Variants in ANKRD18B observed in about 807,000 individuals in gnomAD.
ANKRD18B encodes ankyrin repeat domain 18B.
A neutral mutation model predicts 111.8 loss-of-function variants in ANKRD18B; 75 were observed. The observed-to-expected ratio is 0.67, with a 90% CI of 0.56 to 0.81. The LOEUF is 0.81. ANKRD18B is among the 40% of genes least tolerant of loss of function. The pLI is 0.00. For synonymous variants in ANKRD18B, 356 were observed against 417.3 expected, an observed-to-expected ratio of 0.85 and a Z score of 1.79; for missense variants, 1,038 against 1,225.5, an observed-to-expected ratio of 0.85 and a Z score of 2.28.
intron 15 of ANKRD18B, chr9:33,566,887 T>C: frequency 1.9e-6 from 1 of 524,338 alleles, no homozygotes; most frequent in Non-Finnish European, 3.3e-6. Context: ...ATTACATTAA[T>C]ACTAACATAA....
intron 5 of ANKRD18B, among the ~76,000 whole-genome samples, chr9:33,534,722 C>T (rs1342074479): frequency 2.0e-5 from 3 of 152,008 alleles, no homozygotes; most frequent in Non-Finnish European, 4.4e-5. Context: ...TTTTAAAGAC[C>T]TTTATCCCTA....
At chr9:33,534,603 T>C in intron 5 of ANKRD18B, 96 bp downstream of exon 5, 1 of 1,407,186 alleles carries the variant, frequency 7.1e-7, no homozygotes. Flanking sequence ...GTTCATAGTT[T>C]GGTTGAGGTA....
chr9:33,543,490 C>T (rs1435118773), intron 10 of ANKRD18B, among the ~76,000 whole-genome samples: 2 of 152,160 alleles, frequency 1.3e-5, no homozygotes, highest in African/African-American at 2.4e-5. Flanking sequence ...ATTTCCAGAA[C>T]TCTCTTTGCT....
Position 33,535,325 on chromosome 9 carries a change from G to A in ANKRD18B, c.740+818G>A, listed in dbSNP as rs151029589. ...TTTCGAGATGGAGTCTTGCTCAGTC[G>A]CCCAGGCTGGAGTGCAGTGGCGCAA... On this transcript the variant is annotated intron_variant, in intron 5 of 18. Coordinates refer to ENST00000684830, the MANE Select transcript of ANKRD18B (RefSeq NM_001393611.1). Among the ~76,000 whole-genome samples the A allele has an allele frequency of 1.4e-3, 213 of 151,804 alleles. 3 individuals are homozygous for A. Among genetic ancestry groups the A allele is most frequent in the African/African-American group, 4.9e-3 (203 of 41,394 alleles).
chr9:33,533,863 A>C (rs2117996218), intron 4 of ANKRD18B: 1 of 171,230 alleles, frequency 5.8e-6, no homozygotes, highest in South Asian at 2.0e-4. Flanking sequence ...TTCAGTTTAC[A>C]ACTACTACTA....
In ANKRD18B at chr9:33,533,554, G is replaced by A. The variant is rs1194659383; in HGVS notation, c.602+9G>A. 1.3e-6 allele frequency: 2 copies of A among 1,526,878 alleles called. No homozygotes were observed. Among genetic ancestry groups the A allele is most frequent in the Admixed American group, 4.6e-5 (2 of 43,508 alleles). 94.6% of individuals were successfully genotyped at this position (1,526,878 alleles called of 1,614,324 possible). ...GTTGACAATTTCAAAAGGTGCAATA[G>A]TTTTTGTTTTCTGTTTTCTTTTTTC... is the stretch of plus-strand genomic sequence containing the variant. On this transcript the variant is annotated intron_variant, in intron 4 of 18. Transcript: ENST00000684830.
rs1437106897 is a variant in ANKRD18B, at chr9:33,548,424, C to T, written c.1636C>T (p.Gln546Ter). 6.4e-7 allele frequency: 1 copy of T among 1,551,064 alleles called. No individual in the cohort carries two copies. The highest frequency in any genetic ancestry group is 1.4e-5 in the African/African-American group (1 of 72,992). ...AGATAAGAATGAGTTGCTTACTGAACAGGTCCATAAAGCTCGGGTGAAGTT... is the reference window on the plus strand; with the variant it reads ...AGATAAGAATGAGTTGCTTACTGAATAGGTCCATAAAGCTCGGGTGAAGTT... ...LTDKNELLTEQVHKARVKFNT... is the reference protein window; with the variant it reads ...LTDKNELLTE Residue 546 changes from glutamine (Q) to a stop codon, truncating the protein, a stop_gained, in exon 11 of 19, where the codon CAG becomes TAG. Transcript: ENST00000684830. LOFTEE classifies it high-confidence loss of function.
At chr9:33,550,971 T>C (rs1361823399) in intron 12 of ANKRD18B, among the ~76,000 whole-genome samples, 2 of 152,202 alleles carry the variant, frequency 1.3e-5, no homozygotes, top group Non-Finnish European at 2.9e-5. Flanking sequence ...TCTTCACTTT[T>C]GTGAATGGAC....
At chr9:33,560,340 A>G (rs946844078) in intron 14 of ANKRD18B, among the ~76,000 whole-genome samples, 12 of 152,368 alleles carry the variant, frequency 7.9e-5, no homozygotes, top group Middle Eastern at 3.4e-3. Context: ...TGCATAAGGC[A>G]TGAATTCCTG....
chr9:33,564,930 G>C (rs1828663537), intron 14 of ANKRD18B, among the ~76,000 whole-genome samples: 1 of 152,070 alleles, frequency 6.6e-6, no homozygotes, highest in South Asian at 2.1e-4. Context: ...CAGGGTGTTT[G>C]AGTTCCTTGT....
At chr9:33,535,144 A>G (rs1427132109) in intron 5 of ANKRD18B, among the ~76,000 whole-genome samples, 1 of 151,584 alleles carries the variant, frequency 6.6e-6, no homozygotes, top group African/African-American at 2.4e-5. Flanking sequence ...CCATTGATTC[A>G]CTTGCTGTAT....
Position 33,524,475 on chromosome 9 carries a change from T to A in ANKRD18B, c.-15T>A. On this transcript the variant is annotated 5_prime_UTR_variant, in exon 1 of 19. Transcript: ENST00000684830. Reference sequence around the variant, plus strand: ...GTCTCAGGAGCGGGTGGTGGGCATCTGAGAAGTCGCCACCATGAGGAAGCT... The same window carrying A: ...GTCTCAGGAGCGGGTGGTGGGCATCAGAGAAGTCGCCACCATGAGGAAGCT... 1 of 1,539,118 alleles carries A rather than the reference T, an allele frequency of 6.5e-7. No individual in the cohort carries two copies. The highest frequency in any genetic ancestry group is 8.8e-7 in the Non-Finnish European group (1 of 1,141,416).
Position 33,547,952 on chromosome 9 carries a change from T to C in ANKRD18B, c.1164T>C (p.Tyr388=). 5.6e-6 allele frequency: 8 copies of C among 1,431,220 alleles called. No individual in the cohort carries two copies. The highest frequency in any genetic ancestry group is 7.3e-6 in the Non-Finnish European group (8 of 1,091,620). 88.7% of individuals were successfully genotyped at this position (1,431,220 alleles called of 1,614,324 possible). The change falls in exon 11 of 19, where the codon TAT becomes TAC. Residue 388 remains tyrosine, a synonymous_variant. Transcript: ENST00000684830. ...GTTTTATTTAGGATTCTCAAAGTTA[T>C]GGAAAAAAGAAGGATGAGATGTTTG... is the stretch of plus-strand genomic sequence containing the variant. The part of the protein sequence containing the change: ...ENKQPQDSQS[Y]GKKKDEMFGN...
intron 16 of ANKRD18B, 131 bp from the exon 17 acceptor site, chr9:33,568,540 T>C (rs1828720310): frequency 2.7e-6 from 2 of 728,302 alleles, no homozygotes; most frequent in East Asian, 5.6e-5. Flanking sequence ...CTCTCACACA[T>C]CTTCGTGTGA....
chr9:33,532,877 G>A (rs987556969), intron 3 of ANKRD18B, among the ~76,000 whole-genome samples: 6 of 152,174 alleles, frequency 3.9e-5, no homozygotes, highest in African/African-American at 1.4e-4. Flanking sequence ...AAGTTCAAGG[G>A]ATTTCTAGAT....
At chr9:33,525,531 C>T (rs1318520894) in intron 1 of ANKRD18B, among the ~76,000 whole-genome samples, 2 of 151,980 alleles carry the variant, frequency 1.3e-5, no homozygotes, top group Admixed American at 6.6e-5. Flanking sequence ...GGAATACAGA[C>T]TGAAATTTTT....
intron 10 of ANKRD18B, among the ~76,000 whole-genome samples, chr9:33,547,502 AG>A (rs1828374043): frequency 6.6e-6 from 1 of 152,176 alleles, no homozygotes; most frequent in African/African-American, 2.4e-5. Context: ...CTGTCCAAAT[AG>A]ATGTGGAGGT....
chr9:33,530,761 C>T (rs1828102860), intron 3 of ANKRD18B, among the ~76,000 whole-genome samples: 1 of 152,168 alleles, frequency 6.6e-6, no homozygotes, highest in South Asian at 2.1e-4. Flanking sequence ...ATATCATTGG[C>T]AATATCACTC....
chr9:33,553,127 G>A (rs1451134792), intron 12 of ANKRD18B, among the ~76,000 whole-genome samples: 1 of 150,442 alleles, frequency 6.6e-6, no homozygotes, highest in Non-Finnish European at 1.5e-5. Flanking sequence ...TGGGGAAGCT[G>A]AGGCAAGAAC....
Sources: allele counts gnomAD v4.1 joint callset (sites outside exome capture counted in the v4.1 genomes callset), GRCh38; gene constraint gnomAD v4.1.1; transcripts MANE v1.5; gene names NCBI Gene and HGNC (gene_info 2026-07-23, HGNC 2026-07-21).